The following IGF2R variants were observed in gnomAD, a reference collection of about 807,000 sequenced individuals.
The protein encoded by IGF2R is insulin like growth factor 2 receptor.
A neutral mutation model predicts 270.6 loss-of-function variants in IGF2R; 91 were observed. The ratio of observed to expected loss-of-function variants is 0.34; its 90% CI spans 0.28 to 0.40. IGF2R has a LOEUF of 0.40. Among genes scored for constraint, IGF2R ranks in the 10% least tolerant of loss-of-function variants. The pLI is 1.00. For missense variants in IGF2R, 2,805 were observed against 3,188.3 expected (o/e 0.88, Z 2.90); for synonymous variants, 1,316 against 1,258.9 (o/e 1.05, Z -0.96).
intron 2 of IGF2R, chr6:160,003,576 T>C (rs1784163936): frequency 2.6e-5 from 4 of 152,350 alleles, no homozygotes; most frequent in Middle Eastern, 6.8e-3. Flanking sequence ...CTTATTTACT[T>C]GGTTAAATCA....
Position 160,111,012 on chromosome 6 carries a change from A to G in IGF2R, c.*5928A>G, listed in dbSNP as rs979249317. On this transcript the variant is annotated 3_prime_UTR_variant, in exon 48 of 48. Coordinates refer to ENST00000356956, the MANE Select transcript of IGF2R (RefSeq NM_000876.4). Reference sequence around the variant, plus strand: ...AGATCCACTGTGCAGCATGGTGACTATGATACTGCTTTGTGTATTTAAAAT... The same window carrying G: ...AGATCCACTGTGCAGCATGGTGACTGTGATACTGCTTTGTGTATTTAAAAT... The G allele has an allele frequency of 6.6e-6, 1 of 152,234 alleles. No individual in the cohort carries two copies. Among genetic ancestry groups the G allele is most frequent in the African/African-American group, 2.4e-5 (1 of 41,472 alleles). The allele number at this position is 152,234 out of a possible 1,614,324, so 9.4% of individuals were successfully genotyped here.
chr6:160,011,702 C>G (rs942870782), intron 4 of IGF2R, among the ~76,000 whole-genome samples: 2 of 152,018 alleles, frequency 1.3e-5, no homozygotes, highest in African/African-American at 2.4e-5. Context: ...GTCCCCTTCC[C>G]CAGCCTGGAT....
chr6:160,096,691 G>A, intron 45 of IGF2R, 66 bp downstream of exon 45: 1 of 1,295,120 alleles, frequency 7.7e-7, no homozygotes, highest in Non-Finnish European at 1.1e-6. Context: ...AAGTGTATGT[G>A]TGTTTTTTCC....
chr6:160,072,089 C>T, intron 32 of IGF2R, 53 bp downstream of exon 32: 1 of 1,609,004 alleles, frequency 6.2e-7, no homozygotes, highest in Non-Finnish European at 8.5e-7. Flanking sequence ...ACGGTGCCCC[C>T]ACCAAACCCA....
At chr6:160,011,661 TG>T (rs1263795328) in intron 4 of IGF2R, among the ~76,000 whole-genome samples, 1 of 151,922 alleles carries the variant, frequency 6.6e-6, no homozygotes, top group African/African-American at 2.4e-5. Context: ...ATGGATCTCT[TG>T]GGCAGGTCAT....
chr6:159,979,678 T>C (rs1783749200), intron 1 of IGF2R, among the ~76,000 whole-genome samples: 1 of 152,004 alleles, frequency 6.6e-6, no homozygotes, highest in Non-Finnish European at 1.5e-5. Flanking sequence ...GGCACCCTGG[T>C]GGGGGGCCTG....
At position 160,063,536 on chromosome 6, in the gene IGF2R, G is replaced by C. The variant is rs1175353362; in HGVS notation, c.3792G>C (p.Lys1264Asn). The change falls in exon 27 of 48, where the codon AAG (lysine) becomes AAC (asparagine). Residue 1264 changes from lysine (K) to asparagine (N), a missense_variant. Physicochemically the swap from Lys to Asn is moderately conservative, Grantham distance 94. This residue lies in a region of IGF2R where 1,851 missense variants were observed against 2,207.2 expected (regional missense o/e 0.84). Coordinates refer to ENST00000356956, the MANE Select transcript of IGF2R (RefSeq NM_000876.4). The part of the protein sequence containing the change: ...EYTYYFRVCG[K>N]LSSDVCPTSD... Reference sequence around the variant, plus strand: ...CTTATTACTTCCGGGTCTGTGGGAAGCTTTCCTCAGACGTCTGCCCCACAA... The same window carrying C: ...CTTATTACTTCCGGGTCTGTGGGAACCTTTCCTCAGACGTCTGCCCCACAA... 1 of 1,614,120 alleles carries C rather than the reference G, an allele frequency of 6.2e-7. No individual in the cohort carries two copies. Among genetic ancestry groups the C allele is most frequent in the African/African-American group, 1.3e-5 (1 of 74,942 alleles).
In IGF2R at chr6:160,072,002, G is replaced by C; in HGVS notation, c.4536G>C (p.Glu1512Asp). 6.2e-7 allele frequency: 1 copy of C among 1,614,216 alleles called. No individual in the cohort carries two copies. The highest frequency in any genetic ancestry group is 8.5e-7 in the Non-Finnish European group (1 of 1,180,026). The change falls in exon 32 of 48, where the codon GAG becomes GAC. Residue 1512 changes from glutamate to aspartate, a missense_variant. Transcript: ENST00000356956. ...CAGCCTGTCCCATGAAGAGCAACGA[G>C]CATGATGACTGCCAGGTCACCAACC... Reference protein sequence around the residue: ...TATACPMKSNEHDDCQVTNPS... With the variant: ...TATACPMKSNDHDDCQVTNPS...
chr6:160,021,482 T>G (rs921885328), intron 4 of IGF2R, among the ~76,000 whole-genome samples: 5 of 148,814 alleles, frequency 3.4e-5, no homozygotes, highest in Non-Finnish European at 7.5e-5. Context: ...TTAGGAGATA[T>G]ACCTAATGCT....
intron 2 of IGF2R, among the ~76,000 whole-genome samples, chr6:159,992,819 C>G (rs1332812208): frequency 6.6e-6 from 1 of 152,094 alleles, no homozygotes; most frequent in African/African-American, 2.4e-5. Flanking sequence ...ATTTTTAGTT[C>G]CTTGATAGAT....
At chr6:160,071,318 G>A (rs73023687) in intron 31 of IGF2R, among the ~76,000 whole-genome samples, 13,272 of 142,110 alleles carry the variant, frequency 0.093, 962 homozygotes, top group Middle Eastern at 0.16. Flanking sequence ...CCCAGGGCCT[G>A]GGAGGCTGGA....
At chr6:160,036,868 C>A (rs577601863) in intron 10 of IGF2R, among the ~76,000 whole-genome samples, 4 of 152,192 alleles carry the variant, frequency 2.6e-5, no homozygotes, top group African/African-American at 9.6e-5. Flanking sequence ...TCCCAGCTGC[C>A]CTAGTTTTTA....
In IGF2R at chr6:160,109,241, A is replaced by G. The variant is rs1390918954; in HGVS notation, c.*4157A>G. The G allele has an allele frequency of 5.3e-5, 8 of 152,184 alleles. No homozygotes were observed. 9.4% of individuals were successfully genotyped at this position (152,184 alleles called of 1,614,324 possible). A position where few individuals can be genotyped will look rare whatever the true frequency, so the allele number is the denominator to read the frequency against. ...AGGTCATCTGGTGCCACTCAGCCCCATCCCAGAGAAAGCAGCCTTGGGATG... is the reference window on the plus strand; with the variant it reads ...AGGTCATCTGGTGCCACTCAGCCCCGTCCCAGAGAAAGCAGCCTTGGGATG... On this transcript the variant is annotated 3_prime_UTR_variant, in exon 48 of 48. Coordinates refer to ENST00000356956, the MANE Select transcript of IGF2R (RefSeq NM_000876.4).
At chr6:160,027,419 C>T in intron 6 of IGF2R, 105 bp downstream of exon 6, 3 of 1,280,992 alleles carry the variant, frequency 2.3e-6, no homozygotes, top group South Asian at 3.1e-5. Context: ...TGGGATAGTC[C>T]CTGCAGCATT....
chr6:160,068,103 T>TGTGTGTGTGTGTGA (rs1176106813), intron 29 of IGF2R, 146 bp from the exon 30 acceptor site: 1 of 636,842 alleles, frequency 1.6e-6, no homozygotes, highest in African/African-American at 1.9e-5. Flanking sequence ...TGTGTGTGTG[T>TGTGTGTGTGTGTGA]GTGTGACAGA....
At chr6:159,995,811 C>T (rs1262621832) in intron 2 of IGF2R, among the ~76,000 whole-genome samples, 1 of 150,242 alleles carries the variant, frequency 6.7e-6, no homozygotes, top group Non-Finnish European at 1.5e-5. Context: ...TTTTGAATTC[C>T]TTAGCTGGTA....
rs538568185 is a variant in IGF2R at position 160,062,573 on chromosome 6, G to A, written c.3624G>A (p.Val1208=). 6.2e-7 allele frequency: 1 copy of A among 1,614,044 alleles called. No homozygotes were observed. The highest frequency in any genetic ancestry group is 1.3e-5 in the African/African-American group (1 of 75,018). Residue 1208 remains valine (V), a synonymous_variant, in exon 26 of 48, where the codon GTG becomes GTA. Coordinates refer to ENST00000356956, the MANE Select transcript of IGF2R (RefSeq NM_000876.4). ...AGCTTCAGGATGGTTGTGAGTACGTGTTTATCTGGAGAACTGTGGAAGCCT... is the reference window on the plus strand; with the variant it reads ...AGCTTCAGGATGGTTGTGAGTACGTATTTATCTGGAGAACTGTGGAAGCCT... ...AFQLQDGCEY[V]FIWRTVEACP...
chr6:160,036,915 A>C (rs1318907914), intron 10 of IGF2R, among the ~76,000 whole-genome samples: 1 of 152,200 alleles, frequency 6.6e-6, no homozygotes, highest in African/African-American at 2.4e-5. Flanking sequence ...GCTAAAGCCC[A>C]GATGAGCTGA....
intron 4 of IGF2R, among the ~76,000 whole-genome samples, chr6:160,013,575 C>CCT (rs1277083621): frequency 1.3e-5 from 2 of 152,092 alleles, no homozygotes; most frequent in African/African-American, 4.8e-5. Flanking sequence ...TACTCTCTTA[C>CCT]CTCTTCAGGT....
Sources: gnomAD v4.1 joint callset for allele counts (sites outside exome capture counted in the v4.1 genomes callset) on GRCh38, gnomAD v4.1.1 for gene constraint, gnomAD v4.1.1 regional missense constraint, MANE v1.5 for transcripts, NCBI Gene and HGNC (gene_info 2026-07-23, HGNC 2026-07-21) for gene names.